Variants in ACAD10 observed in about 807,000 individuals in gnomAD.
The protein encoded by ACAD10 is ACAD-10.
A neutral mutation model predicts 116.8 loss-of-function variants in ACAD10; 112 were observed. That is an observed-to-expected ratio of 0.96 (90% CI 0.82 to 1.12). ACAD10 has a LOEUF of 1.12. ACAD10 is among the 50% of genes most tolerant of loss of function. The pLI is 0.00. For missense variants in ACAD10, 1,259 were observed against 1,350.2 expected, an observed-to-expected ratio of 0.93 and a Z score of 1.06; for synonymous variants, 486 against 510.6, an observed-to-expected ratio of 0.95 and a Z score of 0.65.
chr12:111,721,312 A>G (rs1486492934), intron 7 of ACAD10, among the ~76,000 whole-genome samples: 1 of 152,176 alleles, frequency 6.6e-6, no homozygotes, highest in Non-Finnish European at 1.5e-5. Flanking sequence ...TTATGCCTGT[A>G]ATCCCAGGAC....
At chr12:111,728,796 C>T (rs900960032) in intron 9 of ACAD10, among the ~76,000 whole-genome samples, 1 of 152,070 alleles carries the variant, frequency 6.6e-6, no homozygotes, top group African/African-American at 2.4e-5. Flanking sequence ...CTCAAGCAAT[C>T]CTCCTGCCTC....
At chr12:111,744,458 C>G in intron 12 of ACAD10, 185 bp from the exon 13 acceptor site, 1 of 688,950 alleles carries the variant, frequency 1.5e-6, no homozygotes, top group East Asian at 2.7e-5. Context: ...GTGCAAAGTG[C>G]AGGTGAAAGC....
At chr12:111,741,391 G>C (rs1451686670) in intron 12 of ACAD10, among the ~76,000 whole-genome samples, 2 of 152,164 alleles carry the variant, frequency 1.3e-5, no homozygotes, top group African/African-American at 4.8e-5. Context: ...CAGTGACCTG[G>C]GAAAAGCTTA....
chr12:111,737,988 G>T (rs1328746452), intron 12 of ACAD10, among the ~76,000 whole-genome samples: 2 of 151,952 alleles, frequency 1.3e-5, no homozygotes, highest in African/African-American at 2.4e-5. Context: ...AAGAAGCTGG[G>T]ATTATAGGCA....
intron 7 of ACAD10, among the ~76,000 whole-genome samples, chr12:111,718,091 C>G (rs1888902265): frequency 1.0e-5 from 1 of 98,490 alleles, no homozygotes; most frequent in Non-Finnish European, 1.8e-5. Flanking sequence ...GCTTTGTCAT[C>G]CAGGCTGGAG....
chr12:111,715,762 G>A (rs1229155758), intron 6 of ACAD10, 59 bp from the exon 7 acceptor site: 1 of 1,608,250 alleles, frequency 6.2e-7, no homozygotes, highest in Non-Finnish European at 8.5e-7. Flanking sequence ...AAGAAAGAAT[G>A]TCTGCTCAGA....
rs1392197143 is a variant in ACAD10 at position 111,747,135 on chromosome 12, T to A, written c.2343T>A (p.Ile781=). Residue 781 remains isoleucine, a synonymous_variant, in exon 15 of 21, where the codon ATT becomes ATA. Transcript: ENST00000313698. ...AAGCGCAGAAGGCTCGCTGGCTGAT[T>A]CCTCTGCTGGAGGGGAAAGCCCGCT... ...GTEAQKARWL[I]PLLEGKARSC... The A allele has an allele frequency of 3.7e-6, 6 of 1,613,400 alleles. No individual in the cohort carries two copies. Among genetic ancestry groups the A allele is most frequent in the Middle Eastern group, 1.7e-4 (1 of 6,058 alleles).
chr12:111,747,784 C>T, intron 16 of ACAD10: 1 of 1,027,580 alleles, frequency 9.7e-7, no homozygotes, highest in South Asian at 3.8e-5. Context: ...TCCAGTGTTA[C>T]TTTTGCAGGG....
At chr12:111,716,543 C>T (rs1166027986) in intron 7 of ACAD10, among the ~76,000 whole-genome samples, 1 of 152,078 alleles carries the variant, frequency 6.6e-6, no homozygotes, top group Non-Finnish European at 1.5e-5. Flanking sequence ...TTAATATGCT[C>T]ACCATAAAGT....
At chr12:111,743,369 G>GGTT (rs1480851869) in intron 12 of ACAD10, among the ~76,000 whole-genome samples, 2 of 136,436 alleles carry the variant, frequency 1.5e-5, no homozygotes. Flanking sequence ...GAAATATTCT[G>GGTT]TTTTTTTTTT....
chr12:111,748,956 CA>C, intron 17 of ACAD10: 1 of 1,515,846 alleles, frequency 6.6e-7, no homozygotes, highest in South Asian at 1.2e-5. Flanking sequence ...TAAAAGGAAT[CA>C]CAGAATAGTC....
At chr12:111,740,924 G>A (rs975451144) in intron 12 of ACAD10, among the ~76,000 whole-genome samples, 4 of 152,116 alleles carry the variant, frequency 2.6e-5, no homozygotes, top group Non-Finnish European at 5.9e-5. Context: ...TGCAGTCAGT[G>A]ACACCCCAAG....
rs1455740668 is a variant in ACAD10, at chr12:111,746,276, GC to G, written c.2253del (p.Glu752ArgfsTer17). The G allele has an allele frequency of 1.9e-6, 3 of 1,611,232 alleles. No individual in the cohort carries two copies. The African/African-American group carries it at 4.0e-5, about 22-fold the overall frequency. On this transcript the variant is annotated frameshift_variant, in exon 14 of 21. Transcript: ENST00000313698. LOFTEE classifies it high-confidence loss of function. ...TGAGCTCATGGGCACGTCCCTGTAT[GC>G]CCCCGAGGTACCTTCTTTAAAGTTT... is the stretch of plus-strand genomic sequence containing the variant. ...LCELMGTSLY[A>X]PEVCNCSAPD...
intron 7 of ACAD10, among the ~76,000 whole-genome samples, chr12:111,719,092 G>A (rs924852495): frequency 4.6e-5 from 7 of 151,800 alleles, no homozygotes; most frequent in African/African-American, 1.7e-4. Flanking sequence ...TGGCACTCCA[G>A]CCTGGGCAAC....
In ACAD10 at chr12:111,706,782, A is replaced by ATTT. The variant is rs36125603; in HGVS notation, c.531+859_531+861dup. Among the ~76,000 whole-genome samples the ATTT allele has an allele frequency of 0.041, 5,203 of 126,418 alleles. 790 individuals are homozygous for ATTT. The East Asian group carries it at 0.55, about 13-fold the overall frequency. The allele number at this position is 126,418 out of a possible 152,430, so 82.9% of individuals were successfully genotyped here. On this transcript the variant is annotated intron_variant, in intron 4 of 20. Coordinates refer to ENST00000313698, the MANE Select transcript of ACAD10 (RefSeq NM_025247.6). Reference sequence around the variant, plus strand: ...TTTTTTTATATATATATATATATATATTTTTTTTTTTGAGACCATCTCACT... The same window carrying ATTT: ...TTTTTTTATATATATATATATATATATTTTTTTTTTTTTTGAGACCATCTCACT...
chr12:111,708,451 C>A (rs1888574576), intron 4 of ACAD10, among the ~76,000 whole-genome samples: 1 of 151,738 alleles, frequency 6.6e-6, no homozygotes, highest in African/African-American at 2.4e-5. Flanking sequence ...TTGACGTTTT[C>A]TTTAGGGTAG....
At chr12:111,748,929 G>A in intron 17 of ACAD10, 1 of 1,331,318 alleles carries the variant, frequency 7.5e-7, no homozygotes. Context: ...GCTTAAGGTG[G>A]CATTATTATG....
At chr12:111,716,354 T>C (rs1741098619) in intron 7 of ACAD10, among the ~76,000 whole-genome samples, 1 of 151,966 alleles carries the variant, frequency 6.6e-6, no homozygotes, top group Non-Finnish European at 1.5e-5. Flanking sequence ...CTGGGAGACA[T>C]TGTGAAACCC....
chr12:111,721,138 A>G (rs187916497), intron 7 of ACAD10, among the ~76,000 whole-genome samples: 2 of 152,108 alleles, frequency 1.3e-5, no homozygotes, highest in East Asian at 3.9e-4. Flanking sequence ...GTAATTATTG[A>G]TATGTTTGAT....
Sources: allele counts gnomAD v4.1 joint callset (sites outside exome capture counted in the v4.1 genomes callset), GRCh38; gene constraint gnomAD v4.1.1; transcripts MANE v1.5; gene names NCBI Gene and HGNC (gene_info 2026-07-23, HGNC 2026-07-21).